The following UNC80 variants were observed in gnomAD, a reference collection of about 807,000 sequenced individuals.
UNC80 encodes the protein protein unc-80 homolog.
Under a neutral mutation model 384.6 loss-of-function variants are expected in UNC80, and 164 were observed. The ratio of observed to expected loss-of-function variants is 0.43; its 90% CI spans 0.38 to 0.49. The LOEUF (loss-of-function observed/expected upper bound fraction) is 0.49, where lower values mean the gene tolerates loss of function less well. Ranked by LOEUF, UNC80 falls within the 20% of genes least tolerant of loss-of-function variation. The probability of loss-of-function intolerance (pLI) is 0.00; values close to 1 mark genes in which losing one functional copy is unlikely to be tolerated. For synonymous variants in UNC80, 1,486 were observed against 1,527.8 expected (o/e 0.97, Z 0.64); for missense variants, 3,330 against 4,143.0 (o/e 0.80, Z 5.39).
chr2:209,830,358 G>C (rs1326916600), intron 15 of UNC80, among the ~76,000 whole-genome samples: 1 of 152,108 alleles, frequency 6.6e-6, no homozygotes, highest in African/African-American at 2.4e-5. Context: ...CAATAAATTA[G>C]GATGGCAGTT....
At chr2:209,778,045 A>G (rs1442126068) in intron 4 of UNC80, among the ~76,000 whole-genome samples, 1 of 152,228 alleles carries the variant, frequency 6.6e-6, no homozygotes, top group East Asian at 1.9e-4. Context: ...CTCACCATCT[A>G]GACTTCATTC....
Position 209,999,115 on chromosome 2 carries a change from A to G in UNC80, c.*3520A>G, listed in dbSNP as rs952556317. ...TTTTATAGGTTAAAACAAAAAATTGACTACACAGCCGACTTCCCTCAGATA... is the reference window on the plus strand; with the variant it reads ...TTTTATAGGTTAAAACAAAAAATTGGCTACACAGCCGACTTCCCTCAGATA... On this transcript the variant is annotated 3_prime_UTR_variant, in exon 65 of 65. Transcript: ENST00000673920. The G allele has an allele frequency of 6.6e-6, 1 of 152,242 alleles. No individual in the cohort carries two copies. The highest frequency in any genetic ancestry group is 2.4e-5 in the African/African-American group (1 of 41,468). 9.4% of individuals were successfully genotyped at this position (152,242 alleles called of 1,614,324 possible).
At chr2:209,821,284 C>G (rs1012704245) in intron 13 of UNC80, among the ~76,000 whole-genome samples, 5 of 152,152 alleles carry the variant, frequency 3.3e-5, no homozygotes, top group Non-Finnish European at 7.4e-5. Flanking sequence ...TATATGGGCC[C>G]AATCCCACTA....
In UNC80 at chr2:209,986,114, A is replaced by C. The variant is rs1369459843; in HGVS notation, c.9314+1202A>C. Among the ~76,000 whole-genome samples, 7 of 152,224 alleles carry C rather than the reference A, an allele frequency of 4.6e-5. No individual in the cohort carries two copies. The South Asian group carries it at 6.2e-4, about 14-fold the overall frequency. On this transcript the variant is annotated intron_variant, in intron 61 of 64. Transcript: ENST00000673920. The stretch of plus-strand genomic sequence containing the variant: ...CAAGGAGGAAGTTGAGAAACAAAAC[A>C]GTCCTCAAGAGGGCTTCCCTTTATT...
At chr2:209,835,342 A>G (rs2081267692) in intron 18 of UNC80, among the ~76,000 whole-genome samples, 2 of 152,162 alleles carry the variant, frequency 1.3e-5, no homozygotes, top group Admixed American at 6.5e-5. Flanking sequence ...GCTTAAAATC[A>G]CTTATAATTT....
intron 32 of UNC80, 110 bp downstream of exon 32, chr2:209,918,068 TCTCTCTGATCATATAAGTAAACC>T: frequency 9.5e-7 from 1 of 1,047,746 alleles, no homozygotes; most frequent in Non-Finnish European, 1.4e-6. Flanking sequence ...TCTTCTTTTT[TCTCTCTGATCATATAAGTAAACC>T]TAACATACAT....
chr2:209,915,661 T>A (rs1260643128), intron 31 of UNC80, among the ~76,000 whole-genome samples: 2 of 151,950 alleles, frequency 1.3e-5, no homozygotes, highest in Admixed American at 6.6e-5. Context: ...GTATACAGAG[T>A]GTGAATTGTT....
intron 14 of UNC80, among the ~76,000 whole-genome samples, chr2:209,826,831 A>G (rs2080560463): frequency 1.3e-5 from 2 of 152,154 alleles, no homozygotes; most frequent in South Asian, 4.1e-4. Flanking sequence ...AGTTTGATGC[A>G]AAGTTGAGTT....
At chr2:209,792,907 C>A (rs1446765945) in intron 6 of UNC80, among the ~76,000 whole-genome samples, 1 of 152,140 alleles carries the variant, frequency 6.6e-6, no homozygotes, top group Non-Finnish European at 1.5e-5. Flanking sequence ...TTTTTTAAAT[C>A]TCTAAATCAC....
rs141242844 is a variant in UNC80 at position 209,914,027 on chromosome 2, A to T, written c.5029+87A>T. Reference sequence around the variant, plus strand: ...TAAATAAGAGAGGTGTTTCCATTCTATTTTTGCTCCTAGGTCAAGTTAATG... The same window carrying T: ...TAAATAAGAGAGGTGTTTCCATTCTTTTTTTGCTCCTAGGTCAAGTTAATG... On this transcript the variant is annotated intron_variant, in intron 31 of 64. Transcript: ENST00000673920. 390 of 1,435,672 alleles carry T rather than the reference A, an allele frequency of 2.7e-4. No homozygotes were observed. In the African/African-American group the frequency reaches 4.0e-3, roughly 15 times the overall value. 88.9% of individuals were successfully genotyped at this position (1,435,672 alleles called of 1,614,324 possible).
Position 209,936,903 on chromosome 2 carries a change from T to C in UNC80, c.6333T>C (p.Asp2111=), listed in dbSNP as rs2124973263. The C allele has an allele frequency of 6.4e-7, 1 of 1,551,084 alleles. No homozygotes were observed. The highest frequency in any genetic ancestry group is 2.4e-5 in the East Asian group (1 of 40,898). ...ESQSTHYFLM[D]KRWNLIHYNK... ...AGTCAACACATTATTTTCTTATGGA[T>C]AAACGATGGAACCTTATCCACTACA... is the stretch of plus-strand genomic sequence containing the variant. Residue 2111 remains aspartate (D), a synonymous_variant, in exon 41 of 65, where the codon GAT becomes GAC. Transcript: ENST00000673920.
intron 16 of UNC80, among the ~76,000 whole-genome samples, chr2:209,833,026 CTT>C (rs1464975666): frequency 6.6e-6 from 1 of 152,202 alleles, no homozygotes; most frequent in East Asian, 1.9e-4. Flanking sequence ...AGTTTGGAAT[CTT>C]TCCTTTTTGG....
At chr2:209,792,551 G>T (rs533960003) in intron 6 of UNC80, among the ~76,000 whole-genome samples, 5 of 152,226 alleles carry the variant, frequency 3.3e-5, no homozygotes, top group African/African-American at 1.2e-4. Flanking sequence ...GTTTTACCAT[G>T]TTAGCCCGGA....
intron 7 of UNC80, among the ~76,000 whole-genome samples, chr2:209,809,889 G>C (rs1475869052): frequency 5.3e-5 from 8 of 152,152 alleles, no homozygotes; most frequent in Non-Finnish European, 1.2e-4. Flanking sequence ...TTTTCTGCAT[G>C]TGTTTGTGTA....
intron 56 of UNC80, among the ~76,000 whole-genome samples, chr2:209,975,121 T>C (rs1456836847): frequency 3.9e-5 from 6 of 152,218 alleles, no homozygotes; most frequent in Non-Finnish European, 7.3e-5. Context: ...TTTTAGAGAA[T>C]TGGATTTCTG....
intron 36 of UNC80, 93 bp downstream of exon 36, chr2:209,927,079 G>A (rs2090492475): frequency 1.5e-6 from 2 of 1,340,672 alleles, no homozygotes; most frequent in Admixed American, 2.2e-5. Context: ...TTATCTACTG[G>A]CCACATGTTG....
chr2:209,776,809 T>G (rs770816748), intron 3 of UNC80, among the ~76,000 whole-genome samples: 1 of 152,184 alleles, frequency 6.6e-6, no homozygotes, highest in Non-Finnish European at 1.5e-5. Flanking sequence ...TTAGAATATT[T>G]TACAGATTGC....
intron 20 of UNC80, among the ~76,000 whole-genome samples, chr2:209,840,941 T>C (rs2153829309): frequency 6.6e-6 from 1 of 152,350 alleles, no homozygotes; most frequent in East Asian, 1.9e-4. Flanking sequence ...TTAACACACC[T>C]ATGAAATGAC....
intron 44 of UNC80, among the ~76,000 whole-genome samples, chr2:209,942,203 G>C (rs1484720905): frequency 1.3e-5 from 2 of 152,092 alleles, no homozygotes; most frequent in Admixed American, 6.6e-5. Context: ...CTGATGATCT[G>C]AGGTGGAACA....
Sources: gnomAD v4.1 joint callset for allele counts (sites outside exome capture counted in the v4.1 genomes callset) on GRCh38, gnomAD v4.1.1 for gene constraint, MANE v1.5 for transcripts, NCBI Gene and HGNC (gene_info 2026-07-23, HGNC 2026-07-21) for gene names.